Variants in NHSL3 observed in about 807,000 individuals in gnomAD.
NHSL3 encodes the protein NHS like 3.
At chr1:32,772,197 C>T in the NHSL3 span, 1 of 1,612,764 alleles carries the variant, frequency 6.2e-7, no homozygotes, top group Non-Finnish European at 8.5e-7. Flanking sequence ...TCCGGAGCAT[C>T]TCAGAGCAGC....
At chr1:32,758,669 G>C in the NHSL3 span, among the ~76,000 whole-genome samples, 152,164 of 152,184 alleles carry the variant, frequency 1, 76,072 homozygotes, top group Non-Finnish European at 1. Context: ...AGGAAGGGAA[G>C]CACTGACCCC....
chr1:32,743,492 C>T, the NHSL3 span, among the ~76,000 whole-genome samples: 2 of 152,310 alleles, frequency 1.3e-5, no homozygotes, highest in African/African-American at 4.8e-5. Context: ...GTTTCCAAAG[C>T]CTCTGCAGTC....
At chr1:32,771,431 T>C in the NHSL3 span, 1 of 1,409,376 alleles carries the variant, frequency 7.1e-7, no homozygotes, top group Non-Finnish European at 9.5e-7. Context: ...GAGGTGGTTG[T>C]GGAGGCACCA....
the NHSL3 span, among the ~76,000 whole-genome samples, chr1:32,751,113 C>T: frequency 6.6e-6 from 1 of 152,146 alleles, no homozygotes; most frequent in African/African-American, 2.4e-5. Context: ...GCCTGGCCTT[C>T]CCCACCATTT....
the NHSL3 span, chr1:32,772,120 C>T: frequency 6.2e-7 from 1 of 1,613,208 alleles, no homozygotes; most frequent in Admixed American, 1.7e-5. Flanking sequence ...CTCTAGGAAG[C>T]TGCAGCTGGA....
At chr1:32,760,588 G>GTTTTT in the NHSL3 span, among the ~76,000 whole-genome samples, 2 of 138,718 alleles carry the variant, frequency 1.4e-5, no homozygotes, top group Admixed American at 7.2e-5. Context: ...GTGTGTGTGT[G>GTTTTT]TTTTTTTTTT....
the NHSL3 span, chr1:32,768,641 T>C: frequency 6.2e-7 from 1 of 1,613,980 alleles, no homozygotes; most frequent in Non-Finnish European, 8.5e-7. Context: ...GATCTCCTTC[T>C]ACCCTGATAG....
chr1:32,767,312 G>C, the NHSL3 span, among the ~76,000 whole-genome samples: 2 of 152,132 alleles, frequency 1.3e-5, no homozygotes, highest in Non-Finnish European at 2.9e-5. Context: ...AGTGACGTGT[G>C]AGTACATAGT....
At chr1:32,754,164 G>T in the NHSL3 span, 1 of 711,452 alleles carries the variant, frequency 1.4e-6, no homozygotes, top group African/African-American at 1.8e-5. Context: ...TCGGGCGGTC[G>T]GCGAAGCGGC....
At chr1:32,765,764 G>A in the NHSL3 span, 1 of 1,547,554 alleles carries the variant, frequency 6.5e-7, no homozygotes. Context: ...AGTGGCGCCC[G>A]CAGTCATGGT....
At chr1:32,770,547 G>A in the NHSL3 span, 1 of 1,526,788 alleles carries the variant, frequency 6.5e-7, no homozygotes, top group South Asian at 1.3e-5. The surrounding 1 kb of genome is among the most constrained non-coding windows in gnomAD (Gnocchi z 8.3). Flanking sequence ...CCCCTCCCCA[G>A]GGAGGCAGTG....
At chr1:32,771,271 T>C in the NHSL3 span, 3 of 1,612,428 alleles carry the variant, frequency 1.9e-6, no homozygotes, top group Non-Finnish European at 2.5e-6. Flanking sequence ...TGGGCCTGTT[T>C]CTACCACTGA....
At chr1:32,759,241 G>A in the NHSL3 span, among the ~76,000 whole-genome samples, 1 of 151,934 alleles carries the variant, frequency 6.6e-6, no homozygotes, top group Non-Finnish European at 1.5e-5. Flanking sequence ...CAGATGAGGG[G>A]ACTGAGGCCC....
At chr1:32,770,054 T>C in the NHSL3 span, 1 of 1,571,378 alleles carries the variant, frequency 6.4e-7, no homozygotes, top group Non-Finnish European at 8.6e-7. The surrounding 1 kb of genome is among the most constrained non-coding windows in gnomAD (Gnocchi z 8.3). Context: ...GAGGCCATGC[T>C]GCAGCGCCAC....
chr1:32,770,496 G>A, the NHSL3 span: 3 of 1,568,722 alleles, frequency 1.9e-6, no homozygotes, highest in Admixed American at 1.8e-5. This position sits in a 1 kb window ranked among gnomAD's most constrained non-coding sequence, Gnocchi z 8.3. Flanking sequence ...GTGGCTCTGA[G>A]GGCCAGCCGG....
chr1:32,747,935 C>T, the NHSL3 span, among the ~76,000 whole-genome samples: 1 of 152,082 alleles, frequency 6.6e-6, no homozygotes, highest in Non-Finnish European at 1.5e-5. Context: ...ATGGCGAAAC[C>T]CCATCTCTAC....
At chr1:32,742,233 G>A in the NHSL3 span, 8 of 1,240,390 alleles carry the variant, frequency 6.4e-6, no homozygotes, top group African/African-American at 1.2e-4. Context: ...GGGCGTCGAG[G>A]GTGCGGCCGA....
the NHSL3 span, among the ~76,000 whole-genome samples, chr1:32,752,942 CACACACACATAT>C: frequency 5.6e-4 from 13 of 23,030 alleles, no homozygotes; most frequent in African/African-American, 1.4e-3. Context: ...CACACACACA[CACACACACATAT>C]ATATATATAT....
At chr1:32,753,598 A>G in the NHSL3 span, among the ~76,000 whole-genome samples, 2 of 152,268 alleles carry the variant, frequency 1.3e-5, no homozygotes, top group Non-Finnish European at 2.9e-5. Flanking sequence ...ACTAAGTAAA[A>G]GGGTGCTACT....
Sources: allele counts gnomAD v4.1 joint callset (sites outside exome capture counted in the v4.1 genomes callset), GRCh38; gene constraint gnomAD v4.1.1; non-coding constraint Gnocchi (gnomAD v3.1); transcripts MANE v1.5; gene names NCBI Gene and HGNC (gene_info 2026-07-23, HGNC 2026-07-21).